CMSS1: variants seen among roughly 807,000 people sequenced by gnomAD.
CMSS1 encodes protein CMSS1.
A neutral mutation model predicts 43.5 loss-of-function variants in CMSS1; 33 were observed. The observed-to-expected ratio is 0.76, with a 90% CI of 0.57 to 1.01. The LOEUF (loss-of-function observed/expected upper bound fraction) is 1.01. Ranked by LOEUF, CMSS1 falls within the 50% of genes least tolerant of loss-of-function variation. The pLI is 0.00. For synonymous variants in CMSS1, 115 were observed against 117.2 expected (o/e 0.98, Z 0.12); for missense variants, 313 against 326.4 (o/e 0.96, Z 0.32).
intron 1 of CMSS1, among the ~76,000 whole-genome samples, chr3:100,065,900 G>C (rs2065655388): frequency 6.6e-6 from 1 of 152,182 alleles, no homozygotes; most frequent in Non-Finnish European, 1.5e-5. Flanking sequence ...ATGGCTCCTG[G>C]ATCAACAGCA....
intron 1 of CMSS1, among the ~76,000 whole-genome samples, chr3:99,862,371 A>G (rs2107558731): frequency 6.6e-6 from 1 of 152,324 alleles, no homozygotes; most frequent in South Asian, 2.1e-4. Flanking sequence ...CATTGGAATG[A>G]AAGATATGAC....
At chr3:99,826,455 G>A (rs549838005) in intron 1 of CMSS1, among the ~76,000 whole-genome samples, 3 of 152,272 alleles carry the variant, frequency 2.0e-5, no homozygotes, top group East Asian at 3.9e-4. Context: ...GAGTATGGCT[G>A]TGTTCCAATA....
chr3:100,095,274 C>T (rs1452253364), intron 1 of CMSS1, among the ~76,000 whole-genome samples: 8 of 152,010 alleles, frequency 5.3e-5, no homozygotes, highest in South Asian at 2.1e-4. Context: ...AAAAATCTTG[C>T]GGAGATTTTA....
chr3:100,070,981 GC>G (rs1440644652), intron 1 of CMSS1, among the ~76,000 whole-genome samples: 1 of 151,468 alleles, frequency 6.6e-6, no homozygotes, highest in African/African-American at 2.4e-5. Context: ...ACTATGTAAT[GC>G]CCTTTTTTTG....
At chr3:99,890,094 A>G (rs1706036629) in intron 1 of CMSS1, among the ~76,000 whole-genome samples, 1 of 151,968 alleles carries the variant, frequency 6.6e-6, no homozygotes, top group South Asian at 2.1e-4. Flanking sequence ...CACTGTATTT[A>G]TTTGAATCTG....
intron 1 of CMSS1, among the ~76,000 whole-genome samples, chr3:99,902,840 T>C (rs894453502): frequency 2.6e-5 from 4 of 152,222 alleles, no homozygotes; most frequent in Non-Finnish European, 2.9e-5. Flanking sequence ...CATGTGAAGA[T>C]AGTCTGAAAT....
intron 1 of CMSS1, among the ~76,000 whole-genome samples, chr3:100,004,722 T>C (rs1182993340): frequency 1.3e-5 from 2 of 152,178 alleles, no homozygotes; most frequent in Non-Finnish European, 2.9e-5. Context: ...GTAGTGATAA[T>C]ACCTAAAAGG....
chr3:99,881,951 A>G (rs982708721), intron 1 of CMSS1, among the ~76,000 whole-genome samples: 7 of 152,236 alleles, frequency 4.6e-5, no homozygotes, highest in Admixed American at 2.6e-4. Flanking sequence ...TCAAAGTACA[A>G]TTGAACAAGT....
At chr3:100,032,192 AAATGTGGTAGAGGAAATTATTGATATGT>A (rs1226520400) in intron 1 of CMSS1, among the ~76,000 whole-genome samples, 1 of 152,200 alleles carries the variant, frequency 6.6e-6, no homozygotes, top group African/African-American at 2.4e-5. Flanking sequence ...ACAATTATTT[AAATGTGGTAGAGGAAATTATTGATATGT>A]ATGCCTCTTT....
At chr3:99,980,120 A>G (rs546636388) in intron 1 of CMSS1, among the ~76,000 whole-genome samples, 1 of 152,196 alleles carries the variant, frequency 6.6e-6, no homozygotes, top group Non-Finnish European at 1.5e-5. Flanking sequence ...GCAGTACAGT[A>G]CGGACTATAT....
At chr3:99,846,303 C>T (rs1397400685) in intron 1 of CMSS1, among the ~76,000 whole-genome samples, 1 of 152,196 alleles carries the variant, frequency 6.6e-6, no homozygotes, top group Non-Finnish European at 1.5e-5. Flanking sequence ...GTTGGGAAGA[C>T]TTTGTTCTTA....
At chr3:99,879,125 A>G (rs1022236177) in intron 1 of CMSS1, among the ~76,000 whole-genome samples, 4 of 152,162 alleles carry the variant, frequency 2.6e-5, no homozygotes, top group African/African-American at 9.7e-5. Context: ...CCTTTCTACA[A>G]TTAGTAATCT....
chr3:99,947,810 G>C (rs1298555656), intron 1 of CMSS1, among the ~76,000 whole-genome samples: 3 of 152,120 alleles, frequency 2.0e-5, no homozygotes, highest in Non-Finnish European at 4.4e-5. Context: ...TGAAAGTTGA[G>C]AATTTGAAAA....
chr3:100,127,667 C>T (rs1231478825), intron 1 of CMSS1, among the ~76,000 whole-genome samples: 3 of 152,134 alleles, frequency 2.0e-5, no homozygotes, highest in South Asian at 2.1e-4. Flanking sequence ...ACTTATGGGA[C>T]CATCATCTCA....
intron 1 of CMSS1, among the ~76,000 whole-genome samples, chr3:99,888,804 TGCAAAAAAATAACTCTGCTAAGAACTTTA>T (rs1434499151): frequency 6.6e-6 from 1 of 152,302 alleles, no homozygotes; most frequent in South Asian, 2.1e-4. Context: ...TAAATTTCCT[TGCAAAAAAATAACTCTGCTAAGAACTTTA>T]GCTTGTCTCT....
chr3:100,062,265 C>G (rs181614407), intron 1 of CMSS1, among the ~76,000 whole-genome samples: 7 of 151,534 alleles, frequency 4.6e-5, no homozygotes, highest in African/African-American at 1.7e-4. Context: ...GCGCTCGCCA[C>G]CACGCCCAGC....
intron 1 of CMSS1, among the ~76,000 whole-genome samples, chr3:99,872,399 A>G (rs1944846230): frequency 6.6e-6 from 1 of 150,892 alleles, no homozygotes; most frequent in Admixed American, 6.7e-5. Flanking sequence ...TCATAGTTGA[A>G]TGTTTGCTGT....
intron 1 of CMSS1, among the ~76,000 whole-genome samples, chr3:100,135,437 C>CGTGTGTGTGTGT (rs1559767923): frequency 3.3e-5 from 2 of 60,136 alleles, no homozygotes; most frequent in African/African-American, 1.3e-4. Context: ...TGTGTGTGTG[C>CGTGTGTGTGTGT]ATGTGTGTGT....
intron 1 of CMSS1, among the ~76,000 whole-genome samples, chr3:99,966,000 C>T (rs775560453): frequency 2.0e-4 from 30 of 152,272 alleles, no homozygotes; most frequent in Non-Finnish European, 3.7e-4. Flanking sequence ...TCATTTGCTG[C>T]CTCTGGGTCT....
Sources: allele counts gnomAD v4.1 joint callset (sites outside exome capture counted in the v4.1 genomes callset), GRCh38; gene constraint gnomAD v4.1.1; transcripts MANE v1.5; gene names NCBI Gene and HGNC (gene_info 2026-07-23, HGNC 2026-07-21).